TSNARE1: variants seen among roughly 807,000 people sequenced by gnomAD.
TSNARE1 encodes the protein t-SNARE domain containing 1.
TSNARE1 carries 49 observed loss-of-function variants against 62.0 expected under a neutral mutation model. The ratio of observed to expected loss-of-function variants is 0.79; its 90% confidence interval spans 0.63 to 1.00. TSNARE1 has a LOEUF of 1.00. Ranked by LOEUF, TSNARE1 falls within the 50% of genes least tolerant of loss-of-function variation. TSNARE1 has a pLI of 0.00. For synonymous variants in TSNARE1, 328 were observed against 294.4 expected (o/e 1.11, Z -1.17); for missense variants, 755 against 700.1 (o/e 1.08, Z -0.88).
intron 13 of TSNARE1, among the ~76,000 whole-genome samples, chr8:142,224,044 G>C (rs533199317): frequency 6.6e-6 from 1 of 152,360 alleles, no homozygotes; most frequent in African/African-American, 2.4e-5. Context: ...CCTGGGGGAT[G>C]CACCACCACC....
chr8:142,299,010 G>C (rs929024339), intron 10 of TSNARE1, among the ~76,000 whole-genome samples: 1 of 152,246 alleles, frequency 6.6e-6, no homozygotes, highest in Non-Finnish European at 1.5e-5. Context: ...GCCCCAGAGA[G>C]AAGCCCCCGA....
chr8:142,340,042 G>A (rs1563945416), intron 4 of TSNARE1, among the ~76,000 whole-genome samples: 1 of 152,212 alleles, frequency 6.6e-6, no homozygotes, highest in Non-Finnish European at 1.5e-5. Context: ...GTCGGGGCCA[G>A]ACTGGCCAGC....
intron 1 of TSNARE1, among the ~76,000 whole-genome samples, chr8:142,372,609 C>T (rs1200227746): frequency 1.3e-5 from 2 of 152,152 alleles, no homozygotes; most frequent in Non-Finnish European, 2.9e-5. Flanking sequence ...GGGGGCACCC[C>T]TGGCACATTC....
At chr8:142,344,502 A>C in intron 3 of TSNARE1, 30 bp from the exon 4 acceptor site, 1 of 1,486,046 alleles carries the variant, frequency 6.7e-7, no homozygotes, top group Admixed American at 2.6e-5. Flanking sequence ...CGGATGTTTA[A>C]GGCCCTGGGC....
chr8:142,257,119 G>A (rs1467235900), intron 12 of TSNARE1, among the ~76,000 whole-genome samples: 1 of 152,152 alleles, frequency 6.6e-6, no homozygotes, highest in Non-Finnish European at 1.5e-5. Flanking sequence ...GACGTGGGGC[G>A]GTGTCCCTCA....
At chr8:142,297,862 G>A (rs1005187709) in intron 10 of TSNARE1, among the ~76,000 whole-genome samples, 1 of 152,182 alleles carries the variant, frequency 6.6e-6, no homozygotes, top group Non-Finnish European at 1.5e-5. Flanking sequence ...GTGATGCAGT[G>A]AGGTGTACAG....
chr8:142,312,812 A>C (rs1827809544), intron 9 of TSNARE1, among the ~76,000 whole-genome samples: 1 of 152,186 alleles, frequency 6.6e-6, no homozygotes, highest in Admixed American at 6.5e-5. Flanking sequence ...CAGTAAGACC[A>C]CTAAAGCTAT....
At chr8:142,310,254 C>G (rs1271718705) in intron 9 of TSNARE1, among the ~76,000 whole-genome samples, 1 of 152,220 alleles carries the variant, frequency 6.6e-6, no homozygotes, top group East Asian at 1.9e-4. Flanking sequence ...CTTACTCAGT[C>G]TGCCCTCGAT....
upstream of TSNARE1, chr8:142,403,800 TTGC>T (rs1838482055): frequency 6.6e-6 from 1 of 152,212 alleles, no homozygotes; most frequent in African/African-American, 2.4e-5. Context: ...AGGGAGCCCC[TTGC>T]GGAGACCCTC....
intron 12 of TSNARE1, among the ~76,000 whole-genome samples, chr8:142,248,266 G>A (rs1045799732): frequency 1.3e-5 from 2 of 152,226 alleles, no homozygotes; most frequent in African/African-American, 4.8e-5. Context: ...AAAGGACCCA[G>A]TCTCAGGTGT....
chr8:142,280,373 C>G, intron 11 of TSNARE1: 1 of 974,606 alleles, frequency 1.0e-6, no homozygotes, highest in Non-Finnish European at 1.2e-6. Context: ...CTGGGGAGAG[C>G]AGCCAGGTTC....
upstream of TSNARE1, chr8:142,405,792 GC>G (rs777756917): frequency 1.3e-5 from 2 of 151,360 alleles, no homozygotes; most frequent in East Asian, 3.9e-4. Context: ...ACAGGAGAAG[GC>G]CTGTGCACCT....
chr8:142,354,616 A>T, intron 2 of TSNARE1, 21 bp downstream of exon 2: 1 of 1,559,102 alleles, frequency 6.4e-7, no homozygotes. Flanking sequence ...CCCCGCCCCC[A>T]CTTCCAGCTA....
At chr8:142,214,973 A>T (rs1815760942) in intron 13 of TSNARE1, among the ~76,000 whole-genome samples, 1 of 152,140 alleles carries the variant, frequency 6.6e-6, no homozygotes, top group African/African-American at 2.4e-5. Flanking sequence ...CTCACCGACA[A>T]GGGCTCCCTC....
rs11996284 is a variant in TSNARE1, at chr8:142,351,208, A to T, written c.88+3429T>A. Among the ~76,000 whole-genome samples the T allele has an allele frequency of 6.0e-3, 917 of 152,380 alleles. 10 individuals are homozygous for T. Among genetic ancestry groups the T allele is most frequent in the African/African-American group, 0.021 (860 of 41,586 alleles). On this transcript the variant is annotated intron_variant, in intron 2 of 13. Coordinates refer to ENST00000524325, the MANE Select transcript of TSNARE1 (RefSeq NM_145003.5). ...TACACCAGGGGCTGTGACGCGTCTGAGTCTACTTTGATGTGTTTGAAAGTT... is the reference window on the plus strand; with the variant it reads ...TACACCAGGGGCTGTGACGCGTCTGTGTCTACTTTGATGTGTTTGAAAGTT...
At chr8:142,256,286 TCATCACCACACCCAC>T (rs1818548936) in intron 12 of TSNARE1, among the ~76,000 whole-genome samples, 2 of 70,720 alleles carry the variant, frequency 2.8e-5, no homozygotes, top group Non-Finnish European at 6.0e-5. Flanking sequence ...ACCATTACCA[TCATCACCACACCCAC>T]CACCACCATC....
At chr8:142,383,001 G>T (rs773987353) in intron 1 of TSNARE1, among the ~76,000 whole-genome samples, 2 of 152,106 alleles carry the variant, frequency 1.3e-5, no homozygotes, top group Non-Finnish European at 2.9e-5. Flanking sequence ...GGGCAGGGGG[G>T]CAGGAAAGGG....
chr8:142,255,334 C>T (rs528682843), intron 12 of TSNARE1, among the ~76,000 whole-genome samples: 4 of 151,604 alleles, frequency 2.6e-5, no homozygotes, highest in South Asian at 4.2e-4. Context: ...TCATTATCAC[C>T]ACCATCACCA....
chr8:142,256,297 C>A (rs1312868954), intron 12 of TSNARE1, among the ~76,000 whole-genome samples: 10 of 50,342 alleles, frequency 2.0e-4, no homozygotes, highest in East Asian at 7.0e-4. Context: ...CATCACCACA[C>A]CCACCACCAC....
Sources: allele counts gnomAD v4.1 joint callset (sites outside exome capture counted in the v4.1 genomes callset), GRCh38; gene constraint gnomAD v4.1.1; transcripts MANE v1.5; gene names NCBI Gene and HGNC (gene_info 2026-07-23, HGNC 2026-07-21).